Variants in POF1B observed in about 807,000 individuals in gnomAD.
The protein encoded by POF1B is protein POF1B.
POF1B carries 53 observed loss-of-function variants against 55.3 expected under a neutral mutation model. The observed-to-expected ratio is 0.96, with a 90% confidence interval of 0.77 to 1.20. The LOEUF (loss-of-function observed/expected upper bound fraction) is 1.20. Among genes scored for constraint, POF1B ranks in the 50% most tolerant of loss-of-function variants. The pLI, the probability that POF1B is intolerant of heterozygous loss-of-function variation, is 0.00. For synonymous variants in POF1B, 188 were observed against 148.3 expected, an observed-to-expected ratio of 1.27 and a Z score of -1.95; for missense variants, 478 against 420.5, an observed-to-expected ratio of 1.14 and a Z score of -1.20.
At chrX:85,304,753 A>C (rs1182019611) in intron 13 of POF1B, among the ~76,000 whole-genome samples, 1 of 111,399 alleles carries the variant, frequency 9.0e-6, no homozygotes, top group Non-Finnish European at 1.9e-5. Context: ...GAAAACAGGC[A>C]CTTTAGAGTC....
rs184937256 is a variant in POF1B at position 85,329,177 on chromosome X, C to A, written c.854+1772G>T. Among the ~76,000 whole-genome samples the A allele has an allele frequency of 1.0e-3, 116 of 111,725 alleles. 1 individual carries two copies. The highest frequency in any genetic ancestry group is 3.6e-3 in the African/African-American group (111 of 30,778). ...TCTGAAAGTTTGTAAGGTTATCATG[C>A]AAATTAGGTAATATAGATAATGCCT... On this transcript the variant is annotated intron_variant, in intron 7 of 16. Coordinates refer to ENST00000262753, the MANE Select transcript of POF1B (RefSeq NM_024921.4).
At chrX:85,322,780 C>T (rs1204377926) in intron 7 of POF1B, among the ~76,000 whole-genome samples, 5 of 111,663 alleles carry the variant, frequency 4.5e-5, no homozygotes, top group Non-Finnish European at 9.4e-5. Flanking sequence ...AAAAGGTGGG[C>T]GAAGGACATG....
intron 15 of POF1B, among the ~76,000 whole-genome samples, chrX:85,295,804 T>C (rs906229231): frequency 1.8e-5 from 2 of 111,968 alleles, no homozygotes; most frequent in East Asian, 2.8e-4. Context: ...ATCTCTCTTA[T>C]GTTGTCAGTG....
At chrX:85,352,524 G>C (rs1010459864) in intron 4 of POF1B, among the ~76,000 whole-genome samples, 1 of 111,493 alleles carries the variant, frequency 9.0e-6, no homozygotes, top group Non-Finnish European at 1.9e-5. Flanking sequence ...ATTCAAGTTT[G>C]AGCAAAAGGT....
intron 3 of POF1B, among the ~76,000 whole-genome samples, chrX:85,367,425 T>G (rs1377214729): frequency 8.9e-6 from 1 of 112,021 alleles, no homozygotes; most frequent in Non-Finnish European, 1.9e-5. Context: ...CCATACTCAC[T>G]TGGCTAAATT....
intron 4 of POF1B, among the ~76,000 whole-genome samples, chrX:85,354,197 G>A (rs925635365): frequency 9.0e-6 from 1 of 110,873 alleles, no homozygotes; most frequent in Non-Finnish European, 1.9e-5. Flanking sequence ...TAATTTTAAT[G>A]TAAAAATGAC....
intron 2 of POF1B, 26 bp from the exon 3 acceptor site, chrX:85,367,792 C>A: frequency 1.0e-6 from 1 of 985,189 alleles, no homozygotes; most frequent in Non-Finnish European, 1.4e-6. Context: ...AAAGGGAGTT[C>A]AGAAATTATT....
At chrX:85,344,079 C>A (rs1273305963) in intron 6 of POF1B, among the ~76,000 whole-genome samples, 1 of 111,027 alleles carries the variant, frequency 9.0e-6, no homozygotes, top group Non-Finnish European at 1.9e-5. Context: ...TACTCAGCAA[C>A]CTTCACTCAC....
At chrX:85,363,351 G>A (rs998217502) in intron 3 of POF1B, among the ~76,000 whole-genome samples, 1 of 110,399 alleles carries the variant, frequency 9.1e-6, no homozygotes, top group African/African-American at 3.3e-5. Context: ...TTGTTAATTT[G>A]AGGTCTTTCT....
At chrX:85,379,143 A>C (rs769506932) in intron 2 of POF1B, 30 bp downstream of exon 2, 3 of 1,193,029 alleles carry the variant, frequency 2.5e-6, no homozygotes, top group Non-Finnish European at 3.4e-6. Flanking sequence ...GCCTTTCTCC[A>C]CTAGTCTGGC....
chrX:85,322,068 T>G (rs1238210747), intron 7 of POF1B, among the ~76,000 whole-genome samples: 1 of 111,222 alleles, frequency 9.0e-6, no homozygotes, highest in African/African-American at 3.3e-5. Flanking sequence ...ACCAATGACT[T>G]TCTTCACAGA....
chrX:85,339,969 C>A (rs1181029461), intron 6 of POF1B, among the ~76,000 whole-genome samples: 1 of 110,911 alleles, frequency 9.0e-6, no homozygotes, highest in Non-Finnish European at 1.9e-5. Flanking sequence ...CCCCAGCAAT[C>A]TCTCCTTAAA....
intron 6 of POF1B, among the ~76,000 whole-genome samples, chrX:85,334,546 C>T (rs759056499): frequency 9.0e-6 from 1 of 111,313 alleles, no homozygotes; most frequent in East Asian, 2.8e-4. Flanking sequence ...GCCAAACAGT[C>T]TAATTCCTTG....
intron 15 of POF1B, among the ~76,000 whole-genome samples, chrX:85,292,780 G>A (rs1169324365): frequency 1.8e-5 from 2 of 109,818 alleles, no homozygotes; most frequent in African/African-American, 6.7e-5. Flanking sequence ...CTATGCATCT[G>A]ACAAAGGTCT....
At chrX:85,312,510 C>T (rs951889690) in intron 9 of POF1B, among the ~76,000 whole-genome samples, 4 of 110,938 alleles carry the variant, frequency 3.6e-5, no homozygotes, top group African/African-American at 9.8e-5. Context: ...TTTCTGAGGC[C>T]TCTGTTCTGT....
chrX:85,375,661 A>G (rs189754721), intron 2 of POF1B, among the ~76,000 whole-genome samples: 4 of 111,728 alleles, frequency 3.6e-5, no homozygotes, highest in Admixed American at 9.6e-5. Context: ...TCAAAGCAGC[A>G]CACCCCTCCC....
chrX:85,334,490 A>G (rs1186682326), intron 6 of POF1B, among the ~76,000 whole-genome samples: 1 of 111,676 alleles, frequency 9.0e-6, no homozygotes, highest in Non-Finnish European at 1.9e-5. Flanking sequence ...ATGAGCATGC[A>G]TCAATGAAGT....
At chrX:85,290,896 C>A (rs1932170716) in intron 15 of POF1B, among the ~76,000 whole-genome samples, 1 of 111,627 alleles carries the variant, frequency 9.0e-6, no homozygotes, top group Non-Finnish European at 1.9e-5. Flanking sequence ...TCTGTTTACT[C>A]CCTTGATATT....
chrX:85,303,034 T>C (rs1255717801), intron 15 of POF1B, among the ~76,000 whole-genome samples: 1 of 111,554 alleles, frequency 9.0e-6, no homozygotes, highest in Non-Finnish European at 1.9e-5. Context: ...TATAAAGGCA[T>C]ATTTTGAACA....
Sources: allele counts gnomAD v4.1 joint callset (sites outside exome capture counted in the v4.1 genomes callset), GRCh38; gene constraint gnomAD v4.1.1; transcripts MANE v1.5; gene names NCBI Gene and HGNC (gene_info 2026-07-23, HGNC 2026-07-21).